Variants in EFCAB6 observed in about 807,000 individuals in gnomAD.
The protein encoded by EFCAB6 is EF-hand calcium-binding domain-containing protein 6.
EFCAB6 carries 156 observed loss-of-function variants against 169.8 expected under a neutral mutation model. The observed-to-expected ratio is 0.92, with a 90% CI of 0.81 to 1.05. The LOEUF is 1.05. Among genes scored for constraint, EFCAB6 ranks in the 50% least tolerant of loss-of-function variants. The pLI, the probability that EFCAB6 is intolerant of heterozygous loss-of-function variation, is 0.00. For synonymous variants in EFCAB6, 698 were observed against 676.4 expected (o/e 1.03, Z -0.50); for missense variants, 1,800 against 1,829.1 (o/e 0.98, Z 0.29).
At chr22:43,691,804 T>A (rs899979748) in intron 10 of EFCAB6, among the ~76,000 whole-genome samples, 1 of 152,122 alleles carries the variant, frequency 6.6e-6, no homozygotes, top group Non-Finnish European at 1.5e-5. Context: ...CTCCAGATAA[T>A]CACGATAAAA....
At chr22:43,574,876 C>T (rs998074737) in intron 26 of EFCAB6, among the ~76,000 whole-genome samples, 5 of 152,160 alleles carry the variant, frequency 3.3e-5, no homozygotes, top group African/African-American at 9.7e-5. Flanking sequence ...TACCAAGGGA[C>T]AGCAGGGATG....
chr22:43,626,118 T>C (rs2054502708), intron 20 of EFCAB6, among the ~76,000 whole-genome samples: 3 of 152,210 alleles, frequency 2.0e-5, no homozygotes, highest in Non-Finnish European at 4.4e-5. Flanking sequence ...TGTAAGTATA[T>C]GTATATGAAA....
chr22:43,808,389 A>G (rs2062991811), intron 2 of EFCAB6, among the ~76,000 whole-genome samples: 1 of 152,204 alleles, frequency 6.6e-6, no homozygotes, highest in Admixed American at 6.5e-5. Context: ...TATTCTTAAC[A>G]TGGAATCGCG....
chr22:43,687,084 C>CT (rs1214608304), intron 11 of EFCAB6, among the ~76,000 whole-genome samples: 1 of 152,168 alleles, frequency 6.6e-6, no homozygotes, highest in Non-Finnish European at 1.5e-5. Context: ...CATGTAACAC[C>CT]TAACAAATAC....
intron 4 of EFCAB6, among the ~76,000 whole-genome samples, chr22:43,767,966 C>T (rs12106524): frequency 0.028 from 4,261 of 152,244 alleles, 216 homozygotes; most frequent in African/African-American, 0.098. Flanking sequence ...TTGCTGAAAG[C>T]GAATTCTTAA....
intron 5 of EFCAB6, among the ~76,000 whole-genome samples, chr22:43,762,699 T>C (rs1051737259): frequency 6.6e-6 from 1 of 152,232 alleles, no homozygotes; most frequent in African/African-American, 2.4e-5. Context: ...TAGCCTTTTA[T>C]GTTTAAGAGA....
intron 6 of EFCAB6, among the ~76,000 whole-genome samples, chr22:43,754,340 C>T (rs528367575): frequency 6.6e-6 from 1 of 152,270 alleles, no homozygotes; most frequent in Non-Finnish European, 1.5e-5. Flanking sequence ...ATAGCAGAGC[C>T]CCAGGATGGA....
intron 17 of EFCAB6, among the ~76,000 whole-genome samples, chr22:43,654,687 G>A (rs992427232): frequency 3.3e-5 from 5 of 152,234 alleles, no homozygotes; most frequent in African/African-American, 7.2e-5. Context: ...CAGGAGACAT[G>A]AAGACTCAAT....
At chr22:43,617,133 C>T (rs143333341) in intron 20 of EFCAB6, among the ~76,000 whole-genome samples, 3 of 152,336 alleles carry the variant, frequency 2.0e-5, no homozygotes, top group Non-Finnish European at 4.4e-5. Context: ...GAAAGGGATC[C>T]AAAGTTCAAC....
intron 9 of EFCAB6, 114 bp from the exon 10 acceptor site, chr22:43,711,737 C>A (rs2059167772): frequency 7.8e-7 from 1 of 1,283,374 alleles, no homozygotes. Flanking sequence ...AAAAACTGAT[C>A]AAAAAGGTTA....
Position 43,576,339 on chromosome 22 carries a change from A to G in EFCAB6, c.3378T>C (p.Asn1126=). 1 of 1,596,500 alleles carries G rather than the reference A, an allele frequency of 6.3e-7. No individual in the cohort carries two copies. The highest frequency in any genetic ancestry group is 1.2e-5 in the South Asian group (1 of 86,508). ...TAAAGTTCTGGAGAAAATATTTCCA[A>G]TTTATATAGGGGGTTAGATGAATTC... ...KLRIHLTPYI[N]WKYFLQNFSC... Residue 1126 remains asparagine, a synonymous_variant, in exon 26 of 32, where the codon AAT becomes AAC. Transcript: ENST00000262726.
At chr22:43,618,547 T>C (rs1013529991) in intron 20 of EFCAB6, among the ~76,000 whole-genome samples, 1 of 152,134 alleles carries the variant, frequency 6.6e-6, no homozygotes, top group Non-Finnish European at 1.5e-5. Context: ...AAATCAAAAT[T>C]CGAAGAATGA....
At chr22:43,767,444 G>A (rs1222540524) in intron 4 of EFCAB6, among the ~76,000 whole-genome samples, 5 of 152,222 alleles carry the variant, frequency 3.3e-5, no homozygotes, top group African/African-American at 9.6e-5. Flanking sequence ...GATTAAACAT[G>A]TAGTTCAAGG....
intron 10 of EFCAB6, among the ~76,000 whole-genome samples, chr22:43,700,162 C>T (rs1164551196): frequency 6.6e-6 from 1 of 152,202 alleles, no homozygotes; most frequent in Non-Finnish European, 1.5e-5. Flanking sequence ...AAATACTACA[C>T]ACATGCACAT....
chr22:43,697,380 T>C (rs2058613228), intron 10 of EFCAB6, among the ~76,000 whole-genome samples: 1 of 152,226 alleles, frequency 6.6e-6, no homozygotes, highest in South Asian at 2.1e-4. Context: ...ATACCTCATA[T>C]GGTCTCAACT....
At chr22:43,579,170 G>A (rs918658891) in intron 25 of EFCAB6, among the ~76,000 whole-genome samples, 2 of 149,932 alleles carry the variant, frequency 1.3e-5, no homozygotes, top group Non-Finnish European at 3.0e-5. Flanking sequence ...TTACATGCAA[G>A]CATCATTCCA....
intron 3 of EFCAB6, among the ~76,000 whole-genome samples, chr22:43,775,887 C>T (rs559669596): frequency 5.3e-4 from 80 of 152,368 alleles, no homozygotes; most frequent in African/African-American, 1.8e-3. Context: ...AACTGCTAGC[C>T]ATTCGAGGAC....
At chr22:43,633,521 C>T (rs1012650763) in intron 18 of EFCAB6, among the ~76,000 whole-genome samples, 1 of 152,162 alleles carries the variant, frequency 6.6e-6, no homozygotes, top group Non-Finnish European at 1.5e-5. Context: ...GCACTTCAGC[C>T]TGGTGACAGA....
intron 3 of EFCAB6, among the ~76,000 whole-genome samples, chr22:43,774,671 T>G (rs1333237259): frequency 1.3e-5 from 2 of 151,450 alleles, no homozygotes; most frequent in African/African-American, 4.9e-5. Flanking sequence ...ATGGCTGGTT[T>G]CCGGTGACAG....
Sources: allele counts gnomAD v4.1 joint callset (sites outside exome capture counted in the v4.1 genomes callset), GRCh38; gene constraint gnomAD v4.1.1; transcripts MANE v1.5; gene names NCBI Gene and HGNC (gene_info 2026-07-23, HGNC 2026-07-21).